The following DPF3 variants were observed in gnomAD, a reference collection of about 807,000 sequenced individuals.
The protein encoded by DPF3 is zinc finger protein DPF3.
DPF3 carries 18 observed loss-of-function variants against 56.8 expected under a neutral mutation model. The observed-to-expected ratio is 0.32, with a 90% CI of 0.22 to 0.47. The LOEUF is 0.47. DPF3 is among the 20% of genes least tolerant of loss of function. The pLI, the probability that DPF3 is intolerant of heterozygous loss-of-function variation, is 1.00. For synonymous variants in DPF3, 188 were observed against 180.2 expected, an observed-to-expected ratio of 1.04 and a Z score of -0.35; for missense variants, 403 against 488.8, an observed-to-expected ratio of 0.82 and a Z score of 1.65.
intron 3 of DPF3, among the ~76,000 whole-genome samples, chr14:72,746,221 C>T (rs747860001): frequency 5.4e-4 from 83 of 152,368 alleles, no homozygotes; most frequent in Non-Finnish European, 8.8e-4. Context: ...ACTTGCATCA[C>T]CTCTGGGAAG....
rs774132563 is a variant in DPF3 at position 72,693,090 on chromosome 14, T to C, written c.728A>G (p.Asn243Ser). The stretch of plus-strand genomic sequence containing the variant: ...TAGGCACTCACGCCTGTGGTTCTCA[T>C]TTCTGTGGTTGGGTGGGGACCGAGT... ...QETRSPPNHR[N>S]ENHRPQKGPD... Residue 243 changes from asparagine (N) to serine (S), a missense_variant, in exon 7 of 11, where the codon AAT becomes AGT. Transcript: ENST00000556509. The C allele has an allele frequency of 3.4e-5, 55 of 1,613,910 alleles. No homozygotes were observed. Among genetic ancestry groups the C allele is most frequent in the Non-Finnish European group, 4.3e-5 (51 of 1,179,906 alleles).
intron 1 of DPF3, among the ~76,000 whole-genome samples, chr14:72,811,204 T>C (rs1883030549): frequency 6.6e-6 from 1 of 152,228 alleles, no homozygotes; most frequent in Non-Finnish European, 1.5e-5. Context: ...AGATCCACCC[T>C]CATGGTCTAA....
chr14:72,746,455 G>A (rs1472997751), intron 3 of DPF3, among the ~76,000 whole-genome samples: 2 of 152,182 alleles, frequency 1.3e-5, no homozygotes, highest in East Asian at 3.9e-4. Context: ...ACAAGCATCT[G>A]CCCTAGGGTT....
chr14:72,756,852 G>GAAAA, intron 2 of DPF3, among the ~76,000 whole-genome samples: 1 of 87,222 alleles, frequency 1.1e-5, no homozygotes, highest in South Asian at 3.8e-4. Context: ...AAGAAAGAAA[G>GAAAA]AAAGAAAGAA....
chr14:72,733,224 T>C (rs553929761), intron 3 of DPF3, among the ~76,000 whole-genome samples: 2 of 152,308 alleles, frequency 1.3e-5, no homozygotes, highest in Admixed American at 6.5e-5. Flanking sequence ...TATGTGGTCC[T>C]TACCATTGCA....
intron 6 of DPF3, among the ~76,000 whole-genome samples, chr14:72,711,057 C>T (rs749050430): frequency 2.0e-5 from 3 of 152,164 alleles, no homozygotes; most frequent in Non-Finnish European, 4.4e-5. Flanking sequence ...GGAGCAAGAA[C>T]ACACAGGACC....
At chr14:72,759,905 T>G (rs1405686875) in intron 2 of DPF3, among the ~76,000 whole-genome samples, 1 of 152,110 alleles carries the variant, frequency 6.6e-6, no homozygotes, top group Non-Finnish European at 1.5e-5. Flanking sequence ...CAAACTAGAA[T>G]TCTATACCCA....
chr14:72,749,291 C>G (rs1475395562), intron 3 of DPF3, among the ~76,000 whole-genome samples: 1 of 152,234 alleles, frequency 6.6e-6, no homozygotes, highest in Non-Finnish European at 1.5e-5. Flanking sequence ...TTTGAACTTG[C>G]ATGGGGCCTG....
chr14:72,656,703 A>C lies in DPF3; in HGVS notation c.871+17537T>G, dbSNP rs146960724. Among the ~76,000 whole-genome samples the C allele has an allele frequency of 6.1e-3, 928 of 152,318 alleles. 17 individuals carry two copies. The highest frequency in any genetic ancestry group is 0.022 in the African/African-American group (898 of 41,572). On this transcript the variant is annotated intron_variant, in intron 8 of 10. Coordinates refer to ENST00000556509, the MANE Select transcript of DPF3 (RefSeq NM_001280542.3). ...GATCACAGGGTAGAACTTGGAGAAAATGAAACAGATATTTAACCTGCTTAT... is the reference window on the plus strand; with the variant it reads ...GATCACAGGGTAGAACTTGGAGAAACTGAAACAGATATTTAACCTGCTTAT...
chr14:72,636,866 A>G (rs912673623), intron 8 of DPF3, among the ~76,000 whole-genome samples: 1 of 152,198 alleles, frequency 6.6e-6, no homozygotes, highest in Non-Finnish European at 1.5e-5. Flanking sequence ...GAAGAGAAAG[A>G]GAATGGAAAG....
intron 3 of DPF3, among the ~76,000 whole-genome samples, chr14:72,739,728 C>T (rs1310075304): frequency 6.6e-6 from 1 of 152,138 alleles, no homozygotes; most frequent in Non-Finnish European, 1.5e-5. Context: ...CCTGGAGCTT[C>T]GGGGGAAAAA....
intron 3 of DPF3, among the ~76,000 whole-genome samples, chr14:72,734,876 C>T (rs980840720): frequency 1.3e-5 from 2 of 152,152 alleles, no homozygotes; most frequent in Admixed American, 6.5e-5. Flanking sequence ...TTGGTACATC[C>T]GTGTACATGC....
At chr14:72,632,926 G>C (rs1239554583) in intron 8 of DPF3, among the ~76,000 whole-genome samples, 4 of 151,906 alleles carry the variant, frequency 2.6e-5, no homozygotes, top group Non-Finnish European at 4.4e-5. Context: ...GAATTGTTGA[G>C]GGGTGGGAGG....
At chr14:72,874,758 C>T (rs1026458887) in intron 1 of DPF3, among the ~76,000 whole-genome samples, 6 of 152,226 alleles carry the variant, frequency 3.9e-5, no homozygotes, top group African/African-American at 1.4e-4. Context: ...TCCAAACTTT[C>T]CCACATTTTC....
intron 8 of DPF3, chr14:72,670,900 G>T (rs1886642110): frequency 7.9e-6 from 10 of 1,267,448 alleles, no homozygotes; most frequent in African/African-American, 1.6e-5. Flanking sequence ...TCTCTCGGAA[G>T]AACGCTCATT....
At chr14:72,816,953 A>G (rs1883314797) in intron 1 of DPF3, among the ~76,000 whole-genome samples, 1 of 152,052 alleles carries the variant, frequency 6.6e-6, no homozygotes, top group South Asian at 2.1e-4. Context: ...TCCACCCACC[A>G]TCTCATCCTC....
intron 1 of DPF3, among the ~76,000 whole-genome samples, chr14:72,851,959 C>A (rs1885001231): frequency 6.6e-6 from 1 of 152,254 alleles, no homozygotes; most frequent in South Asian, 2.1e-4. Context: ...CTCTTCAAAG[C>A]ATAGAGCAAA....
intron 4 of DPF3, among the ~76,000 whole-genome samples, chr14:72,729,046 G>T (rs552075693): frequency 2.6e-5 from 4 of 152,062 alleles, no homozygotes; most frequent in Admixed American, 2.6e-4. Flanking sequence ...TCAGGAGTTC[G>T]AGACCAGCCT....
chr14:72,749,854 A>G (rs921297324), intron 3 of DPF3, among the ~76,000 whole-genome samples: 11 of 100,528 alleles, frequency 1.1e-4, no homozygotes, highest in Admixed American at 7.0e-4. Flanking sequence ...TTTAAAAAAA[A>G]AAAAGAAAAG....
Sources: gnomAD v4.1 joint callset for allele counts (sites outside exome capture counted in the v4.1 genomes callset) on GRCh38, gnomAD v4.1.1 for gene constraint, MANE v1.5 for transcripts, NCBI Gene and HGNC (gene_info 2026-07-23, HGNC 2026-07-21) for gene names.